The following GRM8 variants were observed in gnomAD, a reference collection of about 807,000 sequenced individuals.
GRM8 encodes the protein glutamate metabotropic receptor 8.
GRM8 carries 47 observed loss-of-function variants against 87.2 expected under a neutral mutation model. The observed-to-expected ratio is 0.54, with a 90% CI of 0.43 to 0.69. GRM8 has a LOEUF of 0.69. GRM8 is among the 30% of genes least tolerant of loss of function. The pLI is 0.00. For synonymous variants in GRM8, 396 were observed against 404.5 expected (o/e 0.98, Z 0.25); for missense variants, 1,019 against 1,139.2 (o/e 0.89, Z 1.52).
intron 7 of GRM8, among the ~76,000 whole-genome samples, chr7:126,626,277 T>C (rs550754681): frequency 1.3e-5 from 2 of 152,272 alleles, no homozygotes; most frequent in East Asian, 3.9e-4. Context: ...GATGCTCTCA[T>C]GGCTTGTATA....
At chr7:127,056,470 A>G (rs961973641) in intron 3 of GRM8, among the ~76,000 whole-genome samples, 1 of 152,206 alleles carries the variant, frequency 6.6e-6, no homozygotes, top group African/African-American at 2.4e-5. Flanking sequence ...AGGTACACTT[A>G]GCTAATGATC....
intron 6 of GRM8, among the ~76,000 whole-genome samples, chr7:126,774,765 T>G (rs2151621613): frequency 6.6e-6 from 1 of 152,284 alleles, no homozygotes; most frequent in Non-Finnish European, 1.5e-5. Context: ...ACATTGTATA[T>G]GTTACAATGT....
At chr7:126,875,354 A>G (rs1248860320) in intron 6 of GRM8, among the ~76,000 whole-genome samples, 2 of 152,058 alleles carry the variant, frequency 1.3e-5, no homozygotes, top group African/African-American at 4.8e-5. Context: ...AGTAAGCAAT[A>G]CATACTTCCT....
At chr7:127,174,072 C>T (rs780541373) in intron 2 of GRM8, among the ~76,000 whole-genome samples, 1 of 152,164 alleles carries the variant, frequency 6.6e-6, no homozygotes, top group Non-Finnish European at 1.5e-5. Context: ...GCAACACACA[C>T]ACGCACCCCT....
Position 126,609,354 on chromosome 7 carries a change from A to G in GRM8, c.1494+8T>C. ...TATACATTAATATATGTTTATGACGATACTTGCTTTTAGATGAAGCTGATT... is the reference window on the plus strand; with the variant it reads ...TATACATTAATATATGTTTATGACGGTACTTGCTTTTAGATGAAGCTGATT... On this transcript the variant is annotated splice_region_variant and intron_variant, in intron 8 of 10. Transcript: ENST00000339582. The G allele has an allele frequency of 6.2e-7, 1 of 1,610,582 alleles. No homozygotes were observed. The highest frequency in any genetic ancestry group is 1.3e-5 in the African/African-American group (1 of 74,946).
chr7:127,178,442 A>G (rs563566109), intron 2 of GRM8, among the ~76,000 whole-genome samples: 3 of 151,082 alleles, frequency 2.0e-5, no homozygotes, highest in Admixed American at 6.6e-5. Context: ...GGAATAATCG[A>G]GGAAAATTTC....
intron 3 of GRM8, among the ~76,000 whole-genome samples, chr7:127,041,865 T>C (rs1818460118): frequency 6.6e-6 from 1 of 152,198 alleles, no homozygotes; most frequent in African/African-American, 2.4e-5. Flanking sequence ...TAGCCCTGCT[T>C]GGTTGATACA....
intron 7 of GRM8, among the ~76,000 whole-genome samples, chr7:126,767,053 T>C (rs1818272857): frequency 6.6e-6 from 1 of 152,174 alleles, no homozygotes; most frequent in South Asian, 2.1e-4. Flanking sequence ...ACTAAGGAAG[T>C]GGACCAGCCA....
chr7:126,665,857 G>A (rs1232411431), intron 7 of GRM8, among the ~76,000 whole-genome samples: 2 of 151,956 alleles, frequency 1.3e-5, no homozygotes, highest in African/African-American at 4.8e-5. Context: ...CAAGAGTACT[G>A]CATGTTTTAT....
chr7:126,552,659 T>C (rs1012321559), intron 8 of GRM8, among the ~76,000 whole-genome samples: 9 of 152,110 alleles, frequency 5.9e-5, no homozygotes, highest in African/African-American at 1.9e-4. Flanking sequence ...ATTTACTATG[T>C]GTTATTTGTT....
intron 2 of GRM8, among the ~76,000 whole-genome samples, chr7:127,117,932 A>T (rs1045773528): frequency 1.3e-5 from 2 of 152,258 alleles, no homozygotes; most frequent in South Asian, 2.1e-4. Flanking sequence ...TCTGCCAGCC[A>T]ATAGTACATG....
rs7807027 is a variant in GRM8 at position 126,625,242 on chromosome 7, T to C, written c.1358-15744A>G. ...TAAGAGTTAATACTCATTACTTCAA[T>C]GTGGATATATATAATATAAGGTGGA... On this transcript the variant is annotated intron_variant, in intron 7 of 10. Coordinates refer to ENST00000339582, the MANE Select transcript of GRM8 (RefSeq NM_000845.3). Among the ~76,000 whole-genome samples, 289 of 152,250 alleles carry C rather than the reference T, an allele frequency of 1.9e-3. 1 individual carries two copies. Among genetic ancestry groups the C allele is most frequent in the African/African-American group, 6.2e-3 (258 of 41,554 alleles).
intron 2 of GRM8, among the ~76,000 whole-genome samples, chr7:127,163,394 A>G (rs965426898): frequency 6.6e-6 from 1 of 152,208 alleles, no homozygotes; most frequent in Non-Finnish European, 1.5e-5. Context: ...TTCTCTGCTG[A>G]AGGCCACAGC....
chr7:127,040,960 T>A (rs1818376639), intron 3 of GRM8, among the ~76,000 whole-genome samples: 1 of 152,356 alleles, frequency 6.6e-6, no homozygotes, highest in African/African-American at 2.4e-5. Context: ...GTCCAATCCT[T>A]GCATCTCCAA....
At chr7:126,586,345 G>A (rs941550572) in intron 8 of GRM8, among the ~76,000 whole-genome samples, 1 of 151,944 alleles carries the variant, frequency 6.6e-6, no homozygotes, top group Non-Finnish European at 1.5e-5. Context: ...AAGTTCATAT[G>A]AACCAAAAAA....
At chr7:126,800,584 C>G (rs543900392) in intron 6 of GRM8, among the ~76,000 whole-genome samples, 54 of 152,300 alleles carry the variant, frequency 3.5e-4, no homozygotes, top group African/African-American at 1.3e-3. Context: ...ATCATCCCAA[C>G]TGTGCCACTT....
intron 6 of GRM8, among the ~76,000 whole-genome samples, chr7:126,830,904 T>C (rs1275454063): frequency 1.3e-5 from 2 of 152,240 alleles, no homozygotes; most frequent in Non-Finnish European, 2.9e-5. Flanking sequence ...TTTCTGTTTG[T>C]TAGCTTTCCT....
At chr7:127,056,485 G>T (rs1258729994) in intron 3 of GRM8, among the ~76,000 whole-genome samples, 2 of 152,194 alleles carry the variant, frequency 1.3e-5, no homozygotes, top group African/African-American at 2.4e-5. Flanking sequence ...ATGATCTACT[G>T]TCAATGTCTT....
chr7:126,932,695 A>T (rs945380669), intron 3 of GRM8, among the ~76,000 whole-genome samples: 1 of 152,304 alleles, frequency 6.6e-6, no homozygotes, highest in African/African-American at 2.4e-5. Context: ...TCTTCTCTCC[A>T]CTTTCTTGGA....
Sources: allele counts gnomAD v4.1 joint callset (sites outside exome capture counted in the v4.1 genomes callset), GRCh38; gene constraint gnomAD v4.1.1; transcripts MANE v1.5; gene names NCBI Gene and HGNC (gene_info 2026-07-23, HGNC 2026-07-21).